VAV3: variants seen among roughly 807,000 people sequenced by gnomAD.
VAV3 encodes the protein vav guanine nucleotide exchange factor 3, also known as guanine nucleotide exchange factor VAV3.
Under a neutral mutation model 131.2 loss-of-function variants are expected in VAV3, and 94 were observed. That is an observed-to-expected ratio of 0.72 (90% CI 0.61 to 0.85). The LOEUF is 0.85. Ranked by LOEUF, VAV3 falls within the 40% of genes least tolerant of loss-of-function variation. The pLI is 0.00. For synonymous variants in VAV3, 349 were observed against 342.0 expected, an observed-to-expected ratio of 1.02 and a Z score of -0.22; for missense variants, 939 against 1,002.7, an observed-to-expected ratio of 0.94 and a Z score of 0.86.
At chr1:107,836,358 C>A (rs1668477678) in intron 2 of VAV3, among the ~76,000 whole-genome samples, 2 of 152,060 alleles carry the variant, frequency 1.3e-5, no homozygotes, top group East Asian at 1.9e-4. Flanking sequence ...AGGTGGAAAT[C>A]AAAAAATCTT....
intron 2 of VAV3, among the ~76,000 whole-genome samples, chr1:107,789,903 A>T (rs1666200448): frequency 6.6e-6 from 1 of 152,202 alleles, no homozygotes; most frequent in African/African-American, 2.4e-5. Context: ...GTCAATACAG[A>T]CTAGCCACAA....
At chr1:107,573,533 T>C (rs1396349806) in intron 26 of VAV3, among the ~76,000 whole-genome samples, 161 bp from the exon 27 acceptor site, 1 of 152,168 alleles carries the variant, frequency 6.6e-6, no homozygotes, top group Non-Finnish European at 1.5e-5. Flanking sequence ...AGAAGCCTAA[T>C]AGAGTAAATG....
chr1:107,762,541 T>C (rs1425653731), intron 9 of VAV3, among the ~76,000 whole-genome samples: 3 of 152,180 alleles, frequency 2.0e-5, no homozygotes, highest in Non-Finnish European at 4.4e-5. Flanking sequence ...GAAAGTTACA[T>C]TGTTAATATT....
intron 19 of VAV3, among the ~76,000 whole-genome samples, chr1:107,677,262 A>G (rs555610876): frequency 2.0e-5 from 3 of 152,270 alleles, no homozygotes; most frequent in South Asian, 2.1e-4. Context: ...TACTTTATCA[A>G]TGTCCTCTCC....
At chr1:107,779,365 G>C (rs1665552952) in intron 3 of VAV3, 69 bp downstream of exon 3, 2 of 1,397,206 alleles carry the variant, frequency 1.4e-6, no homozygotes, top group African/African-American at 3.0e-5. Flanking sequence ...TTCACAAATA[G>C]TAACCATTTA....
chr1:107,576,052 G>A (rs1055138108), intron 25 of VAV3, among the ~76,000 whole-genome samples: 11 of 151,974 alleles, frequency 7.2e-5, no homozygotes, highest in Non-Finnish European at 1.5e-4. Context: ...CATAAACATT[G>A]GCTTTTTTCA....
chr1:107,617,757 T>C, intron 20 of VAV3, 125 bp from the exon 21 acceptor site: 1 of 688,150 alleles, frequency 1.5e-6, no homozygotes, highest in Non-Finnish European at 2.3e-6. Context: ...TATCCAGTCC[T>C]GAGCATTAAC....
intron 1 of VAV3, among the ~76,000 whole-genome samples, chr1:107,920,977 T>G (rs1672871149): frequency 6.6e-6 from 1 of 152,248 alleles, no homozygotes; most frequent in Admixed American, 6.5e-5. Context: ...GTATTTTAAT[T>G]AATATTGTAT....
At chr1:107,578,223 G>A (rs1021174159) in intron 25 of VAV3, among the ~76,000 whole-genome samples, 4 of 152,100 alleles carry the variant, frequency 2.6e-5, no homozygotes, top group Non-Finnish European at 4.4e-5. Context: ...CTCATGAATG[G>A]CCTCATGTTT....
intron 2 of VAV3, among the ~76,000 whole-genome samples, chr1:107,873,157 AT>A (rs1670328606): frequency 6.6e-6 from 1 of 152,102 alleles, no homozygotes; most frequent in Non-Finnish European, 1.5e-5. Context: ...TCAAAAATAC[AT>A]TTATCCTTGA....
chr1:107,824,526 G>A (rs572867535), intron 2 of VAV3, among the ~76,000 whole-genome samples: 1 of 152,276 alleles, frequency 6.6e-6, no homozygotes, highest in East Asian at 1.9e-4. Context: ...CCAGCCTTCT[G>A]AGGAAGTAAG....
chr1:107,598,475 A>G (rs564596996), intron 24 of VAV3, among the ~76,000 whole-genome samples: 1 of 152,284 alleles, frequency 6.6e-6, no homozygotes, highest in African/African-American at 2.4e-5. Context: ...TAGACTTAAA[A>G]TGTTAGGGTC....
intron 3 of VAV3, among the ~76,000 whole-genome samples, chr1:107,778,268 T>G (rs1016633839): frequency 1.3e-5 from 2 of 152,156 alleles, no homozygotes; most frequent in Non-Finnish European, 2.9e-5. Context: ...AAATGTAGTC[T>G]CATAATCATT....
intron 1 of VAV3, among the ~76,000 whole-genome samples, chr1:107,962,886 T>A (rs192907046): frequency 6.6e-6 from 1 of 152,326 alleles, no homozygotes; most frequent in East Asian, 1.9e-4. Flanking sequence ...TAATAATTCC[T>A]TTAGGGCAAG....
intron 2 of VAV3, among the ~76,000 whole-genome samples, chr1:107,866,424 A>G (rs1669989076): frequency 6.6e-6 from 1 of 152,130 alleles, no homozygotes; most frequent in African/African-American, 2.4e-5. Context: ...ATGAGCTTGA[A>G]ACGATTCAAA....
intron 1 of VAV3, among the ~76,000 whole-genome samples, chr1:107,943,225 G>T (rs1288895024): frequency 6.6e-6 from 1 of 151,958 alleles, no homozygotes; most frequent in Admixed American, 6.6e-5. Flanking sequence ...ATATTTATGG[G>T]ATATAGAGTG....
At chr1:107,951,288 C>A (rs1674519964) in intron 1 of VAV3, among the ~76,000 whole-genome samples, 1 of 152,164 alleles carries the variant, frequency 6.6e-6, no homozygotes, top group Non-Finnish European at 1.5e-5. Context: ...GCTGCATGTA[C>A]TTTTGCACCA....
intron 20 of VAV3, among the ~76,000 whole-genome samples, chr1:107,641,863 C>G (rs1487008147): frequency 6.6e-6 from 1 of 152,078 alleles, no homozygotes; most frequent in Non-Finnish European, 1.5e-5. Flanking sequence ...ATTATGACCC[C>G]ACAGCACTGA....
intron 2 of VAV3, among the ~76,000 whole-genome samples, chr1:107,783,459 T>C (rs1665809880): frequency 6.6e-6 from 1 of 152,124 alleles, no homozygotes; most frequent in African/African-American, 2.4e-5. Flanking sequence ...CTGTGAGGGC[T>C]AAGGGAAGAA....
Sources: gnomAD v4.1 joint callset for allele counts (sites outside exome capture counted in the v4.1 genomes callset) on GRCh38, gnomAD v4.1.1 for gene constraint, MANE v1.5 for transcripts, NCBI Gene and HGNC (gene_info 2026-07-23, HGNC 2026-07-21) for gene names.